Variants in GNB4 observed in about 807,000 individuals in gnomAD.
The protein encoded by GNB4 is guanine nucleotide-binding protein subunit beta-4.
Under a neutral mutation model 45.2 loss-of-function variants are expected in GNB4, and 28 were observed. The observed-to-expected ratio is 0.62, with a 90% CI of 0.46 to 0.85. The LOEUF (loss-of-function observed/expected upper bound fraction) is 0.85. Among genes scored for constraint, GNB4 ranks in the 40% least tolerant of loss-of-function variants. GNB4 has a pLI of 0.00. For synonymous variants in GNB4, 132 were observed against 143.7 expected (o/e 0.92, Z 0.58); for missense variants, 321 against 425.4 (o/e 0.75, Z 2.16).
chr3:179,473,488 T>C, the GNB4 span, among the ~76,000 whole-genome samples: 35 of 152,062 alleles, frequency 2.3e-4, no homozygotes, highest in East Asian at 6.8e-3. Context: ...CAGGCTGGAG[T>C]GCAGTTTCAT....
chr3:179,527,546 ACT>A, the GNB4 span, among the ~76,000 whole-genome samples: 31 of 152,148 alleles, frequency 2.0e-4, no homozygotes, highest in Non-Finnish European at 2.8e-4. Context: ...CAATGAGAAA[ACT>A]CTCTGTTTTA....
chr3:179,414,866 A>C lies in GNB4; in HGVS notation c.430+19T>G. The C allele has an allele frequency of 3.9e-6, 6 of 1,548,140 alleles. No homozygotes were observed. Among genetic ancestry groups the C allele is most frequent in the Non-Finnish European group, 5.3e-6 (6 of 1,134,176 alleles). ...CACAAGGAATCGTGTGGTGGGAAAG[A>C]ATATTTAGGGAAGCTCACCTGTGTG... On this transcript the variant is annotated intron_variant, in intron 6 of 9. Transcript: ENST00000232564.
At chr3:179,497,940 G>A in the GNB4 span, among the ~76,000 whole-genome samples, 1 of 152,312 alleles carries the variant, frequency 6.6e-6, no homozygotes, top group Non-Finnish European at 1.5e-5. Context: ...ATGTGCCGTT[G>A]ATAGGATTGT....
At chr3:179,464,420 T>A in the GNB4 span, 17 of 1,455,146 alleles carry the variant, frequency 1.2e-5, no homozygotes, top group East Asian at 3.0e-4. Context: ...CCCTCTGCCC[T>A]CGCCCCTTCC....
At chr3:179,433,785 AAAGT>A (rs1318137875) in intron 1 of GNB4, among the ~76,000 whole-genome samples, 6 of 152,212 alleles carry the variant, frequency 3.9e-5, no homozygotes, top group Non-Finnish European at 8.8e-5. Context: ...TAGAATTTTT[AAAGT>A]AATTACTTCA....
chr3:179,499,412 G>A, the GNB4 span, among the ~76,000 whole-genome samples: 5 of 152,098 alleles, frequency 3.3e-5, no homozygotes, highest in Non-Finnish European at 5.9e-5. Context: ...ACCCGCCTTG[G>A]CCTCCCAAAG....
the GNB4 span, among the ~76,000 whole-genome samples, chr3:179,524,675 G>A: frequency 6.6e-6 from 1 of 152,100 alleles, no homozygotes; most frequent in African/African-American, 2.4e-5. Flanking sequence ...ACCTTTCAGG[G>A]CCTAGGGCTG....
rs191248813 is a variant in GNB4, at chr3:179,425,501, C to T, written c.57+643G>A. 3.0e-4 allele frequency among the ~76,000 whole-genome samples: 45 copies of T among 152,260 alleles called. No homozygotes were observed. In the East Asian group the frequency reaches 6.2e-3, roughly 21 times the overall value. On this transcript the variant is annotated intron_variant, in intron 2 of 9. Coordinates refer to ENST00000232564, the MANE Select transcript of GNB4 (RefSeq NM_021629.4). ...GTTTTGTTTTTCTGAGACAGAGTCT[C>T]GCTCTGTCACCCAGGCTGGAGTGCA...
chr3:179,506,317 G>A, the GNB4 span, among the ~76,000 whole-genome samples: 640 of 152,124 alleles, frequency 4.2e-3, 3 homozygotes, highest in African/African-American at 0.015. Flanking sequence ...CAGCCTGGGC[G>A]ATGAAGTGAG....
At chr3:179,507,493 G>A in the GNB4 span, among the ~76,000 whole-genome samples, 1 of 152,192 alleles carries the variant, frequency 6.6e-6, no homozygotes, top group East Asian at 1.9e-4. Context: ...AAAATTCATT[G>A]TCATCAGGTC....
the GNB4 span, among the ~76,000 whole-genome samples, chr3:179,466,270 C>CA: frequency 1.3e-5 from 2 of 152,050 alleles, no homozygotes; most frequent in Non-Finnish European, 2.9e-5. Context: ...CTCGGCCTCC[C>CA]AAAATGCTAG....
At chr3:179,453,470 A>G (rs62408905), upstream of GNB4, among the ~76,000 whole-genome samples, 30,869 of 152,156 alleles carry the variant, frequency 0.2, 3,818 homozygotes, top group East Asian at 0.36. Flanking sequence ...GTGCACTAGC[A>G]TTTACCAGAT....
At position 179,405,487 on chromosome 3, in the gene GNB4, A is replaced by G. The variant is rs1427787864; in HGVS notation, c.700-81T>C. 4.1e-6 allele frequency: 4 copies of G among 984,956 alleles called. No individual in the cohort carries two copies. In the East Asian group the frequency reaches 1.0e-4, roughly 25 times the overall value. The allele number at this position is 984,956 out of a possible 1,614,324, so 61.0% of individuals were successfully genotyped here. A position where few individuals can be genotyped will look rare whatever the true frequency, so the allele number is the denominator to read the frequency against. On this transcript the variant is annotated intron_variant, in intron 8 of 9. Transcript: ENST00000232564. ...GCAATGTAATAATAGACAAATCTAG[A>G]TTAATATTCCAACTTGGCTACCTAC...
chr3:179,462,766 A>G, the GNB4 span, among the ~76,000 whole-genome samples: 3 of 152,132 alleles, frequency 2.0e-5, no homozygotes, highest in Non-Finnish European at 4.4e-5. Context: ...TGAACCCAGG[A>G]GGCAAGGTTG....
rs1462286742 is a variant in GNB4 at position 179,414,953 on chromosome 3, C to T, written c.362G>A (p.Cys121Tyr). Residue 121 changes from cysteine to tyrosine, a missense_variant, in exon 6 of 10, where the codon TGC (cysteine) becomes TAC (tyrosine). Transcript: ENST00000232564. ...YVACGGLDNI[C>Y]SIYNLKTREG... ...TCTGGTCTTTAAGTTATATATAGAG[C>T]AGATGTTGTCCAAGCCTCCACAGGC... 1 of 1,612,402 alleles carries T rather than the reference C, an allele frequency of 6.2e-7. No individual in the cohort carries two copies. Among genetic ancestry groups the T allele is most frequent in the African/African-American group, 1.3e-5 (1 of 74,852 alleles).
At chr3:179,412,016 C>A (rs1230503402) in intron 8 of GNB4, among the ~76,000 whole-genome samples, 1 of 152,168 alleles carries the variant, frequency 6.6e-6, no homozygotes, top group South Asian at 2.1e-4. Context: ...ATTTGATAAT[C>A]ATTTTGATTG....
intron 1 of GNB4, among the ~76,000 whole-genome samples, chr3:179,449,607 CACAG>C (rs370910580): frequency 4.6e-5 from 7 of 152,316 alleles, no homozygotes; most frequent in East Asian, 3.9e-4. Context: ...CTTAAAACCT[CACAG>C]ACAATTTCCT....
chr3:179,489,989 T>G, the GNB4 span, among the ~76,000 whole-genome samples: 1 of 152,218 alleles, frequency 6.6e-6, no homozygotes, highest in Admixed American at 6.5e-5. Context: ...CATTTCTTCT[T>G]TTTAACCTCT....
intron 1 of GNB4, among the ~76,000 whole-genome samples, chr3:179,447,317 GC>G (rs1715759194): frequency 7.0e-6 from 1 of 143,196 alleles, no homozygotes; most frequent in Non-Finnish European, 1.5e-5. Flanking sequence ...GTGTGCCAGA[GC>G]CCAGTCACCG....
Sources: gnomAD v4.1 joint callset for allele counts (sites outside exome capture counted in the v4.1 genomes callset) on GRCh38, gnomAD v4.1.1 for gene constraint, MANE v1.5 for transcripts, NCBI Gene and HGNC (gene_info 2026-07-23, HGNC 2026-07-21) for gene names.